The following PEAR1 variants were observed in gnomAD, a reference collection of about 807,000 sequenced individuals.
PEAR1 encodes the protein platelet endothelial aggregation receptor 1, also known as multiple EGF-like domains protein 12.
PEAR1 carries 113 observed loss-of-function variants against 131.2 expected under a neutral mutation model. The ratio of observed to expected loss-of-function variants is 0.86; its 90% CI spans 0.74 to 1.01. The LOEUF (loss-of-function observed/expected upper bound fraction) is 1.01. PEAR1 is among the 50% of genes least tolerant of loss of function. The pLI is 0.00. For missense variants in PEAR1, 1,408 were observed against 1,391.1 expected (o/e 1.01, Z -0.19); for synonymous variants, 565 against 523.3 (o/e 1.08, Z -1.09).
Position 156,912,979 on chromosome 1 carries a change from C to A in PEAR1, c.2419C>A (p.Pro807Thr), listed in dbSNP as rs1204184702. ...CCTGGACGGCTCCGAGTATGTCATG[C>A]CAGGTGAGCTGGCACAGGGCCTGGG... Reference protein sequence around the residue: ...GRLDGSEYVMPDVPPSYSHYY... With the variant: ...GRLDGSEYVMTDVPPSYSHYY... Residue 807 changes from proline (P) to threonine (T), a missense_variant, in exon 18 of 23, where the codon CCA becomes ACA. Transcript: ENST00000292357. The A allele has an allele frequency of 6.2e-7, 1 of 1,614,028 alleles. No homozygotes were observed. The highest frequency in any genetic ancestry group is 8.5e-7 in the Non-Finnish European group (1 of 1,180,008).
At chr1:156,895,860 C>G (rs560440934) in intron 1 of PEAR1, among the ~76,000 whole-genome samples, 24 of 152,328 alleles carry the variant, frequency 1.6e-4, no homozygotes, top group African/African-American at 5.5e-4. Flanking sequence ...GTATGAGGAT[C>G]TCTGGAGGCC....
At position 156,913,540 on chromosome 1, in the gene PEAR1, C is replaced by T; in HGVS notation, c.2644+17C>T. 3 of 1,611,148 alleles carry T rather than the reference C, an allele frequency of 1.9e-6. No individual in the cohort carries two copies. Among genetic ancestry groups the T allele is most frequent in the Non-Finnish European group, 2.5e-6 (3 of 1,179,676 alleles). ...TGGACAGGGGTAGGTGCCGGGAGGC[C>T]AGGGTCTCTGGCGCGGGTGGATGTG... On this transcript the variant is annotated intron_variant, in intron 20 of 22. Coordinates refer to ENST00000292357, the MANE Select transcript of PEAR1 (RefSeq NM_001080471.3).
chr1:156,914,224 A>G, intron 22 of PEAR1, 124 bp downstream of exon 22: 2 of 1,414,112 alleles, frequency 1.4e-6, no homozygotes, highest in Non-Finnish European at 1.9e-6. Context: ...CTTTGGGGTC[A>G]GCTTCGGGCT....
rs1208145298 is a variant in PEAR1, at chr1:156,908,047, G to A, written c.898G>A (p.Asp300Asn). The A allele has an allele frequency of 7.4e-7, 1 of 1,353,202 alleles. No individual in the cohort carries two copies. The highest frequency in any genetic ancestry group is 1.2e-5 in the South Asian group (1 of 83,176). The allele number at this position is 1,353,202 out of a possible 1,614,324, so 83.8% of individuals were successfully genotyped here. A position where few individuals can be genotyped will look rare whatever the true frequency, so the allele number is the denominator to read the frequency against. ...QCRCAPGYTG[D>N]RCREECPVGR... is the part of the protein sequence containing the mutation. ...CCGCTGCGCTCCGGGTTACACTGGGGATCGGTGAGTGGCGTGGGGCGGGCG... is the reference window on the plus strand; with the variant it reads ...CCGCTGCGCTCCGGGTTACACTGGGAATCGGTGAGTGGCGTGGGGCGGGCG... Residue 300 changes from aspartate to asparagine, a missense_variant, in exon 8 of 23, where the codon GAT (aspartate) becomes AAT (asparagine). By Grantham distance (23) the Asp-to-Asn change is conservative (BLOSUM62 1). Transcript: ENST00000292357. This position sits in a 1 kb window ranked among gnomAD's most constrained non-coding sequence, Gnocchi z 4.2.
At position 156,912,524 on chromosome 1, in the gene PEAR1, G is replaced by T. The variant is rs770766485; in HGVS notation, c.2111G>T (p.Cys704Phe). 3 of 1,613,910 alleles carry T rather than the reference G, an allele frequency of 1.9e-6. No homozygotes were observed. The highest frequency in any genetic ancestry group is 2.5e-6 in the Non-Finnish European group (3 of 1,179,972). Residue 704 changes from cysteine to phenylalanine, a missense_variant, in exon 17 of 23, where the codon TGC becomes TTC. Physicochemically the swap from Cys to Phe is radical, Grantham distance 205 (BLOSUM62 -2). Coordinates refer to ENST00000292357, the MANE Select transcript of PEAR1 (RefSeq NM_001080471.3). ...CCTCTGGGGACATTTGGTGCTAACT[G>T]CTCCCAGCCATGCCAGTGTGGTCCT... The part of the protein sequence containing the change: ...GCPLGTFGAN[C>F]SQPCQCGPGE...
intron 2 of PEAR1, among the ~76,000 whole-genome samples, 184 bp downstream of exon 2, chr1:156,904,211 C>T (rs1649979096): frequency 6.6e-6 from 1 of 152,150 alleles, no homozygotes; most frequent in Admixed American, 6.5e-5. Flanking sequence ...CCTTTGACTC[C>T]AGCCCCATTT....
intron 11 of PEAR1, 144 bp from the exon 12 acceptor site, chr1:156,909,607 T>A: frequency 1.1e-6 from 1 of 909,706 alleles, no homozygotes; most frequent in Non-Finnish European, 1.6e-6. Context: ...AAATAACTCA[T>A]AAGCTTTTCT....
intron 11 of PEAR1, 113 bp from the exon 12 acceptor site, chr1:156,909,637 AC>A (rs1328444281): frequency 1.4e-5 from 17 of 1,197,392 alleles, no homozygotes; most frequent in African/African-American, 4.6e-5. Context: ...TGCCGTGAAC[AC>A]CCCCCACCCA....
chr1:156,908,191 C>G lies in PEAR1; in HGVS notation c.966C>G (p.Ala322=). ...ACTGTGCTGAGACGTGCGACTGCGC[C>G]CCGGACGCCCGTTGCTTCCCGGCCA... ...GQDCAETCDC[A]PDARCFPANG... is the part of the protein sequence containing the mutation. The change falls in exon 9 of 23, where the codon GCC becomes GCG. Residue 322 remains alanine (A), a synonymous_variant. Coordinates refer to ENST00000292357, the MANE Select transcript of PEAR1 (RefSeq NM_001080471.3). This position sits in a 1 kb window ranked among gnomAD's most constrained non-coding sequence, Gnocchi z 4.2. 6.2e-7 allele frequency: 1 copy of G among 1,603,138 alleles called. No homozygotes were observed. The highest frequency in any genetic ancestry group is 8.5e-7 in the Non-Finnish European group (1 of 1,178,996).
chr1:156,912,961 G>A lies in PEAR1; in HGVS notation c.2401G>A (p.Gly801Ser), dbSNP rs745986333. ...AVAYSSGRLD[G>S]SEYVMPDVPP... ...GGCTTACAGCAGCGGGCGCCTGGAC[G>A]GCTCCGAGTATGTCATGCCAGGTGA... Residue 801 changes from glycine (G) to serine (S), a missense_variant, in exon 18 of 23, where the codon GGC becomes AGC. Coordinates refer to ENST00000292357, the MANE Select transcript of PEAR1 (RefSeq NM_001080471.3). 46 of 1,614,024 alleles carry A rather than the reference G, an allele frequency of 2.9e-5. No homozygotes were observed. The highest frequency in any genetic ancestry group is 1.6e-4 in the Middle Eastern group (1 of 6,066).
Position 156,903,918 on chromosome 1 carries a change from G to C in PEAR1, c.-9G>C. The C allele has an allele frequency of 1.2e-6, 2 of 1,612,788 alleles. No individual in the cohort carries two copies. Among genetic ancestry groups the C allele is most frequent in the South Asian group, 1.1e-5 (1 of 91,054 alleles). On this transcript the variant is annotated splice_region_variant and 5_prime_UTR_variant, in exon 2 of 23. Transcript: ENST00000292357. ...CCACTCTGCGCCGGTCTTGCTGCAG[G>C]CCTCTGCAATGTCACCGCCTCTGTG...
At chr1:156,911,199 CTTTT>C (rs1303877679) in intron 15 of PEAR1, among the ~76,000 whole-genome samples, 9 of 74,838 alleles carry the variant, frequency 1.2e-4, no homozygotes, top group Non-Finnish European at 2.2e-4. Flanking sequence ...TTCTTTCTTT[CTTTT>C]CTTTCTTTCT....
At chr1:156,903,529 A>G (rs1207155355) in intron 1 of PEAR1, among the ~76,000 whole-genome samples, 1 of 152,116 alleles carries the variant, frequency 6.6e-6, no homozygotes, top group Non-Finnish European at 1.5e-5. Context: ...TCTGGAGGTC[A>G]TGGTCAGGGA....
intron 18 of PEAR1, 73 bp downstream of exon 18, chr1:156,913,055 C>A: frequency 6.3e-7 from 1 of 1,587,320 alleles, no homozygotes; most frequent in Non-Finnish European, 8.6e-7. Flanking sequence ...CTGGGCATGA[C>A]CCAAAGGGAA....
Position 156,913,214 on chromosome 1 carries a change from C to T in PEAR1, c.2443C>T (p.His815Tyr), listed in dbSNP as rs1226567092. ...VMPDVPPSYS[H>Y]YYSNPSYHTL... ...TGCAGATGTCCCTCCGAGCTACAGTCACTACTACTCCAACCCCAGCTACCA... is the reference window on the plus strand; with the variant it reads ...TGCAGATGTCCCTCCGAGCTACAGTTACTACTACTCCAACCCCAGCTACCA... Residue 815 changes from histidine to tyrosine, a missense_variant, in exon 19 of 23, where the codon CAC (histidine) becomes TAC (tyrosine). Physicochemically the swap from His to Tyr is moderately conservative, Grantham distance 83. Transcript: ENST00000292357. The T allele has an allele frequency of 6.2e-7, 1 of 1,613,780 alleles. No homozygotes were observed.
intron 17 of PEAR1, 66 bp downstream of exon 17, chr1:156,912,688 C>T (rs1558147414): frequency 1.2e-6 from 2 of 1,609,680 alleles, no homozygotes; most frequent in Non-Finnish European, 1.7e-6. Context: ...GCCCCTCATA[C>T]AGTCCCTACT....
At position 156,915,905 on chromosome 1, in the gene PEAR1, T is replaced by C. The variant is rs1651821194; in HGVS notation, c.*1107T>C. 6.6e-6 allele frequency: 1 copy of C among 152,198 alleles called. No individual in the cohort carries two copies. Among genetic ancestry groups the C allele is most frequent in the South Asian group, 2.1e-4 (1 of 4,826 alleles). The allele number at this position is 152,198 out of a possible 1,614,324, so 9.4% of individuals were successfully genotyped here. On this transcript the variant is annotated 3_prime_UTR_variant, in exon 23 of 23. Transcript: ENST00000292357. ...AGTAACTGCTAAGATAGATGAGCCATCTGTATGCTCTGACAGTTACAGACT... is the reference window on the plus strand; with the variant it reads ...AGTAACTGCTAAGATAGATGAGCCACCTGTATGCTCTGACAGTTACAGACT...
rs1558125940 is a variant in PEAR1 at position 156,902,521 on chromosome 1, G to A, written c.-9-1397G>A. 6.6e-6 allele frequency among the ~76,000 whole-genome samples: 1 copy of A among 152,086 alleles called. No homozygotes were observed. The highest frequency in any genetic ancestry group is 1.5e-5 in the Non-Finnish European group (1 of 68,008). On this transcript the variant is annotated intron_variant, in intron 1 of 22. Transcript: ENST00000292357. This position sits in a 1 kb window ranked among gnomAD's most constrained non-coding sequence, Gnocchi z 4.3. ...GGGCGGCTGAGATGGGGTTAATTTA[G>A]GAGCCTAGACCTGGAGGGAAGGAGC...
rs1318853257 is a variant in PEAR1, at chr1:156,902,155, C to T, written c.-9-1763C>T. ...CCCCCGTCACGCTCCCTGCTGTCCC[C>T]CTTCCTAGCCAGGCTCTGTTTCCTG... On this transcript the variant is annotated intron_variant, in intron 1 of 22. Coordinates refer to ENST00000292357, the MANE Select transcript of PEAR1 (RefSeq NM_001080471.3). This position sits in a 1 kb window ranked among gnomAD's most constrained non-coding sequence, Gnocchi z 4.3. 2 of 152,412 alleles carry T rather than the reference C, an allele frequency of 1.3e-5. No homozygotes were observed. Among genetic ancestry groups the T allele is most frequent in the African/African-American group, 4.8e-5 (2 of 41,420 alleles). The allele number at this position is 152,412 out of a possible 1,614,324, so 9.4% of individuals were successfully genotyped here. A position where few individuals can be genotyped will look rare whatever the true frequency, so the allele number is the denominator to read the frequency against.
Sources: allele counts gnomAD v4.1 joint callset (sites outside exome capture counted in the v4.1 genomes callset), GRCh38; gene constraint gnomAD v4.1.1; non-coding constraint Gnocchi (gnomAD v3.1); transcripts MANE v1.5; gene names NCBI Gene and HGNC (gene_info 2026-07-23, HGNC 2026-07-21).